The following SLC39A14 variants were observed in gnomAD, a reference collection of about 807,000 sequenced individuals.
SLC39A14 encodes metal cation symporter ZIP14.
In SLC39A14, 19 loss-of-function variants were observed where a neutral mutation model predicts 45.5. The ratio of observed to expected loss-of-function variants is 0.42; its 90% confidence interval spans 0.29 to 0.61. SLC39A14 has a LOEUF of 0.61. Among genes scored for constraint, SLC39A14 ranks in the 20% least tolerant of loss-of-function variants. The pLI, the probability that SLC39A14 is intolerant of heterozygous loss-of-function variation, is 0.22. For missense variants in SLC39A14, 447 were observed against 616.5 expected (o/e 0.73, Z 2.91); for synonymous variants, 264 against 251.3 (o/e 1.05, Z -0.48).
chr8:22,429,189 A>G (rs1009667991), intron 8 of SLC39A14, among the ~76,000 whole-genome samples: 2 of 152,150 alleles, frequency 1.3e-5, no homozygotes, highest in South Asian at 4.2e-4. Context: ...GGAGAATGGC[A>G]TGAACCCGGG....
intron 2 of SLC39A14, among the ~76,000 whole-genome samples, chr8:22,406,796 G>C (rs7837811): frequency 0.56 from 85,515 of 151,838 alleles, 25,104 homozygotes; most frequent in African/African-American, 0.74. Context: ...CCGTGCCCCC[G>C]CGGGGTAATG....
At chr8:22,403,500 C>T (rs931918056) in intron 1 of SLC39A14, among the ~76,000 whole-genome samples, 4 of 150,454 alleles carry the variant, frequency 2.7e-5, no homozygotes, top group African/African-American at 9.8e-5. Flanking sequence ...CAGCTGGTCT[C>T]GAACTCCTGA....
At chr8:22,371,472 C>T (rs1832933579) in intron 1 of SLC39A14, among the ~76,000 whole-genome samples, 1 of 79,316 alleles carries the variant, frequency 1.3e-5, no homozygotes, top group Non-Finnish European at 2.3e-5. Context: ...CTCGCTCTGT[C>T]GCCCAGGCTG....
chr8:22,384,905 C>T (rs1349747494), intron 1 of SLC39A14, among the ~76,000 whole-genome samples: 2 of 151,782 alleles, frequency 1.3e-5, no homozygotes, highest in African/African-American at 4.8e-5. Flanking sequence ...CAAAAATTAG[C>T]CTGGCATGGT....
At chr8:22,369,897 G>A (rs149730336) in intron 1 of SLC39A14, among the ~76,000 whole-genome samples, 50 of 152,256 alleles carry the variant, frequency 3.3e-4, no homozygotes, top group Admixed American at 7.2e-4. Flanking sequence ...GAGCCCAGGC[G>A]TAGGGTTGAT....
chr8:22,377,620 T>C (rs1301913153), intron 1 of SLC39A14, among the ~76,000 whole-genome samples: 2 of 152,256 alleles, frequency 1.3e-5, no homozygotes, highest in East Asian at 1.9e-4. Flanking sequence ...CTTTTCATGA[T>C]GACTTCTTTC....
rs1012290631 is a variant in SLC39A14, at chr8:22,421,156, C to A, written c.*1458C>A. The stretch of plus-strand genomic sequence containing the variant: ...CTCCAGAAGCCTTTCTTAGTGGTGC[C>A]CACAGTTGGAGCCCAGGGGCCATGT... On this transcript the variant is annotated 3_prime_UTR_variant, in exon 9 of 9. Transcript: ENST00000381237. 2 of 985,686 alleles carry A rather than the reference C, an allele frequency of 2.0e-6. No individual in the cohort carries two copies. Among genetic ancestry groups the A allele is most frequent in the Admixed American group, 6.2e-5 (1 of 16,252 alleles). The allele number at this position is 985,686 out of a possible 1,614,324, so 61.1% of individuals were successfully genotyped here.
intron 1 of SLC39A14, among the ~76,000 whole-genome samples, chr8:22,380,678 T>TC (rs970769943): frequency 2.0e-5 from 3 of 151,800 alleles, no homozygotes; most frequent in South Asian, 2.1e-4. Context: ...ATTCCTGTTT[T>TC]TTTTTTTTAA....
chr8:22,422,692 G>C lies in SLC39A14; in HGVS notation c.*2994G>C. On this transcript the variant is annotated 3_prime_UTR_variant, in exon 9 of 9. Coordinates refer to ENST00000381237, the MANE Select transcript of SLC39A14 (RefSeq NM_001128431.4). The stretch of plus-strand genomic sequence containing the variant: ...ATTCTGTAATTGTTGAGAATCCCAC[G>C]GGTGATCATTTGCAATAAATGTGGA... 1 of 985,134 alleles carries C rather than the reference G, an allele frequency of 1.0e-6. No homozygotes were observed. The highest frequency in any genetic ancestry group is 1.2e-6 in the Non-Finnish European group (1 of 829,682). The allele number at this position is 985,134 out of a possible 1,614,324, so 61.0% of individuals were successfully genotyped here. A position where few individuals can be genotyped will look rare whatever the true frequency, so the allele number is the denominator to read the frequency against.
chr8:22,368,106 G>T (rs749530681), intron 1 of SLC39A14, among the ~76,000 whole-genome samples: 38 of 152,262 alleles, frequency 2.5e-4, no homozygotes, highest in South Asian at 1.0e-3. Flanking sequence ...TCTGGTGCTT[G>T]CCAGGGCCTG....
At chr8:22,380,705 C>G (rs909639383) in intron 1 of SLC39A14, among the ~76,000 whole-genome samples, 4 of 151,812 alleles carry the variant, frequency 2.6e-5, no homozygotes, top group Admixed American at 2.0e-4. Context: ...GAGATGGGGT[C>G]TCACTCTGTC....
intron 3 of SLC39A14, among the ~76,000 whole-genome samples, chr8:22,409,001 TG>T (rs1835401578): frequency 6.6e-6 from 1 of 151,790 alleles, no homozygotes; most frequent in African/African-American, 2.4e-5. Flanking sequence ...TTAAATTTTT[TG>T]TAGAGACACG....
chr8:22,407,819 C>G (rs1244718595), intron 2 of SLC39A14, among the ~76,000 whole-genome samples: 3 of 151,738 alleles, frequency 2.0e-5, no homozygotes, highest in Admixed American at 6.6e-5. Context: ...CTAGCAGTCC[C>G]CCTGCCTCAG....
chr8:22,418,806 G>T (rs1329268043), intron 8 of SLC39A14, among the ~76,000 whole-genome samples: 1 of 152,122 alleles, frequency 6.6e-6, no homozygotes, highest in Non-Finnish European at 1.5e-5. Context: ...TGGGATTATA[G>T]GTGTGAGCCA....
chr8:22,412,039 TGG>T lies in SLC39A14; in HGVS notation c.463_464del (p.Gly155IlefsTer91). Reference protein sequence around the residue: ...EEGRPSAVEVWGYGLLCVTVI... With the variant: ...EEGRPSAVEVXGYGLLCVTVI... Reference sequence around the variant, plus strand: ...CTGGCCCTCCCTCCGCACGGCAGTGTGGGGATACGGTCTCCTCTGTGTGACCG... The same window carrying T: ...CTGGCCCTCCCTCCGCACGGCAGTGTGGATACGGTCTCCTCTGTGTGACCG... On this transcript the variant is annotated frameshift_variant, in exon 4 of 9. Transcript: ENST00000381237. LOFTEE classifies it high-confidence loss of function. 6.4e-7 allele frequency: 1 copy of T among 1,550,670 alleles called. No individual in the cohort carries two copies. Among genetic ancestry groups the T allele is most frequent in the African/African-American group, 1.4e-5 (1 of 73,170 alleles).
rs956875524 is a variant in SLC39A14, at chr8:22,412,267, G to C, written c.627+61G>C. On this transcript the variant is annotated intron_variant, in intron 4 of 8. Transcript: ENST00000381237. ...CGGCGGGCACAGTGGGAGGACCTCCGTTTGGATAGAAGGCATAGAGAGGGC... is the reference window on the plus strand; with the variant it reads ...CGGCGGGCACAGTGGGAGGACCTCCCTTTGGATAGAAGGCATAGAGAGGGC... The C allele has an allele frequency of 1.3e-5, 19 of 1,517,780 alleles. No individual in the cohort carries two copies. The African/African-American group carries it at 2.6e-4, about 21-fold the overall frequency. The allele number at this position is 1,517,780 out of a possible 1,614,324, so 94.0% of individuals were successfully genotyped here. A position where few individuals can be genotyped will look rare whatever the true frequency, so the allele number is the denominator to read the frequency against.
chr8:22,372,621 C>T (rs1430826423), intron 1 of SLC39A14, among the ~76,000 whole-genome samples: 3 of 152,142 alleles, frequency 2.0e-5, no homozygotes, highest in Admixed American at 6.5e-5. Context: ...CAGCCATGTT[C>T]GGAATCCAGT....
At chr8:22,406,044 T>C (rs929832533) in intron 2 of SLC39A14, among the ~76,000 whole-genome samples, 1 of 152,092 alleles carries the variant, frequency 6.6e-6, no homozygotes, top group African/African-American at 2.4e-5. Flanking sequence ...ACAGTAATTG[T>C]AGGATGCAGA....
downstream of SLC39A14, among the ~76,000 whole-genome samples, chr8:22,423,078 C>T (rs1189444395): frequency 6.6e-6 from 1 of 152,084 alleles, no homozygotes; most frequent in Non-Finnish European, 1.5e-5. Flanking sequence ...CCCGCCTTGG[C>T]CTCCCAAAGT....
Sources: gnomAD v4.1 joint callset for allele counts (sites outside exome capture counted in the v4.1 genomes callset) on GRCh38, gnomAD v4.1.1 for gene constraint, MANE v1.5 for transcripts, NCBI Gene and HGNC (gene_info 2026-07-23, HGNC 2026-07-21) for gene names.